The following DLGAP2 variants were observed in gnomAD, a reference collection of about 807,000 sequenced individuals.
The protein encoded by DLGAP2 is DLG associated protein 2.
Under a neutral mutation model 100.3 loss-of-function variants are expected in DLGAP2, and 26 were observed. The ratio of observed to expected loss-of-function variants is 0.26; its 90% CI spans 0.19 to 0.36. DLGAP2 has a LOEUF of 0.36. Ranked by LOEUF, DLGAP2 falls within the 10% of genes least tolerant of loss-of-function variation. DLGAP2 has a pLI of 1.00. For synonymous variants in DLGAP2, 886 were observed against 630.1 expected (o/e 1.41, Z -6.08); for missense variants, 1,858 against 1,453.2 (o/e 1.28, Z -4.53).
intron 1 of DLGAP2, among the ~76,000 whole-genome samples, chr8:827,642 A>G (rs1355056680): frequency 6.6e-6 from 1 of 152,254 alleles, no homozygotes; most frequent in East Asian, 1.9e-4. Context: ...AATAAGATAA[A>G]TGATAGCATG....
chr8:1,254,688 CCT>C (rs151144519), intron 2 of DLGAP2, among the ~76,000 whole-genome samples: 9,806 of 152,194 alleles, frequency 0.064, 842 homozygotes, highest in African/African-American at 0.19. Context: ...TTCCCAGGAA[CCT>C]CCTGCCTTAG....
At chr8:870,261 G>A (rs146239025) in intron 1 of DLGAP2, among the ~76,000 whole-genome samples, 47 of 152,264 alleles carry the variant, frequency 3.1e-4, no homozygotes, top group African/African-American at 1.0e-3. Flanking sequence ...CTTAACAAGT[G>A]CGGTTATTAC....
intron 2 of DLGAP2, among the ~76,000 whole-genome samples, chr8:1,021,806 C>T (rs181881651): frequency 2.3e-4 from 35 of 152,264 alleles, no homozygotes; most frequent in African/African-American, 8.4e-4. Context: ...AATGTGCACA[C>T]CACTGTCAGT....
intron 3 of DLGAP2, among the ~76,000 whole-genome samples, chr8:1,337,495 G>A (rs1332841790): frequency 6.8e-6 from 1 of 146,834 alleles, no homozygotes; most frequent in African/African-American, 2.5e-5. Flanking sequence ...GATGATAGTG[G>A]TGATGAGGAT....
intron 2 of DLGAP2, among the ~76,000 whole-genome samples, chr8:975,389 T>A (rs1800136414): frequency 6.6e-6 from 1 of 152,162 alleles, no homozygotes; most frequent in African/African-American, 2.4e-5. Flanking sequence ...GCTAAATAAT[T>A]CTATAAAATT....
At chr8:1,420,441 G>A (rs1797058753) in intron 3 of DLGAP2, among the ~76,000 whole-genome samples, 1 of 152,146 alleles carries the variant, frequency 6.6e-6, no homozygotes, top group African/African-American at 2.4e-5. Context: ...TGGTGTCCCA[G>A]GTCATCTCAG....
chr8:1,170,289 A>G (rs553281553), intron 2 of DLGAP2, among the ~76,000 whole-genome samples: 2 of 152,112 alleles, frequency 1.3e-5, no homozygotes, highest in Admixed American at 1.3e-4. Context: ...TTTTGCCAGT[A>G]TTTTATTGAG....
chr8:1,556,052 G>T (rs1183031897), intron 5 of DLGAP2, among the ~76,000 whole-genome samples: 3 of 152,232 alleles, frequency 2.0e-5, no homozygotes, highest in Non-Finnish European at 4.4e-5. Flanking sequence ...AACTCAAGAT[G>T]GTCGTGGATG....
chr8:1,228,717 T>C (rs879710606), intron 2 of DLGAP2, among the ~76,000 whole-genome samples: 2 of 152,136 alleles, frequency 1.3e-5, no homozygotes, highest in Non-Finnish European at 2.9e-5. Context: ...GCAGAAGAAG[T>C]ATTTGACAAA....
chr8:1,391,261 T>TG (rs1232830406), intron 3 of DLGAP2, among the ~76,000 whole-genome samples: 2 of 152,146 alleles, frequency 1.3e-5, no homozygotes, highest in East Asian at 3.8e-4. Flanking sequence ...AACTAGGCAA[T>TG]GGGGCATTCA....
In DLGAP2 at chr8:1,173,474, C is replaced by A. The variant is rs139567876; in HGVS notation, c.74-85377C>A. On this transcript the variant is annotated intron_variant, in intron 2 of 14. Transcript: ENST00000637795. Reference sequence around the variant, plus strand: ...TGCTGTCTTTTTGTTTGTCTGTGCCCTGCCCCCAGAGGTGTAGCCTACAGA... The same window carrying A: ...TGCTGTCTTTTTGTTTGTCTGTGCCATGCCCCCAGAGGTGTAGCCTACAGA... 2.8e-3 allele frequency among the ~76,000 whole-genome samples: 426 copies of A among 152,242 alleles called. 1 individual carries two copies. The highest frequency in any genetic ancestry group is 0.017 in the Middle Eastern group (5 of 294).
At chr8:1,281,856 T>G (rs995215420) in intron 3 of DLGAP2, among the ~76,000 whole-genome samples, 3 of 152,222 alleles carry the variant, frequency 2.0e-5, no homozygotes, top group Admixed American at 1.3e-4. Flanking sequence ...TCCACCACAC[T>G]GGGCTTTGAT....
chr8:1,350,174 G>A (rs1323660043), intron 3 of DLGAP2, among the ~76,000 whole-genome samples: 5 of 151,368 alleles, frequency 3.3e-5, no homozygotes, highest in African/African-American at 4.8e-5. Context: ...CTCTTGTGGC[G>A]TGGAAAGGCC....
chr8:1,256,990 C>T (rs749629000), intron 2 of DLGAP2, among the ~76,000 whole-genome samples: 1 of 152,056 alleles, frequency 6.6e-6, no homozygotes, highest in Non-Finnish European at 1.5e-5. Flanking sequence ...GCCCAGGGCT[C>T]CTGCGTCCGA....
intron 2 of DLGAP2, among the ~76,000 whole-genome samples, chr8:1,186,555 G>A (rs2116715169): frequency 6.6e-6 from 1 of 152,306 alleles, no homozygotes; most frequent in South Asian, 2.1e-4. Context: ...ATAACCCTGA[G>A]AGATGTTATT....
At chr8:1,108,818 G>A (rs1241020696) in intron 2 of DLGAP2, among the ~76,000 whole-genome samples, 6 of 136,622 alleles carry the variant, frequency 4.4e-5, no homozygotes, top group African/African-American at 1.7e-4. Flanking sequence ...TGTCTATGAG[G>A]TGTGCATGTG....
intron 1 of DLGAP2, among the ~76,000 whole-genome samples, chr8:852,409 C>T (rs1016686521): frequency 6.6e-6 from 1 of 152,200 alleles, no homozygotes; most frequent in Non-Finnish European, 1.5e-5. Context: ...AGAAAGAACA[C>T]TAATGGCAAA....
chr8:877,435 C>T (rs1388948153), intron 1 of DLGAP2, among the ~76,000 whole-genome samples: 8 of 152,176 alleles, frequency 5.3e-5, no homozygotes, highest in Admixed American at 3.9e-4. Flanking sequence ...GGGTGTGACC[C>T]CCTTACCTGG....
intron 1 of DLGAP2, chr8:738,211 G>A (rs563712529): frequency 2.0e-4 from 32 of 162,552 alleles, no homozygotes; most frequent in African/African-American, 7.2e-4. Context: ...GCTCCGGTGG[G>A]GCAGCTGCGA....
Sources: allele counts gnomAD v4.1 joint callset (sites outside exome capture counted in the v4.1 genomes callset), GRCh38; gene constraint gnomAD v4.1.1; transcripts MANE v1.5; gene names NCBI Gene and HGNC (gene_info 2026-07-23, HGNC 2026-07-21).